Variants in BCAS3 observed in about 807,000 individuals in gnomAD.
The protein encoded by BCAS3 is BCAS4/BCAS3 fusion.
Under a neutral mutation model 116.1 loss-of-function variants are expected in BCAS3, and 53 were observed. The observed-to-expected ratio is 0.46, with a 90% CI of 0.37 to 0.57. BCAS3 has a LOEUF of 0.57. BCAS3 is among the 20% of genes least tolerant of loss of function. The probability of loss-of-function intolerance (pLI) is 0.00; values close to 1 mark genes in which losing one functional copy is unlikely to be tolerated. For synonymous variants in BCAS3, 391 were observed against 408.2 expected (o/e 0.96, Z 0.51); for missense variants, 917 against 1,165.4 (o/e 0.79, Z 3.10).
At chr17:60,854,204 C>T (rs2053450900) in intron 7 of BCAS3, among the ~76,000 whole-genome samples, 1 of 152,168 alleles carries the variant, frequency 6.6e-6, no homozygotes, top group Admixed American at 6.5e-5. Context: ...CAGCTTCATC[C>T]ATGTCCCCAC....
intron 8 of BCAS3, among the ~76,000 whole-genome samples, 196 bp downstream of exon 8, chr17:60,868,879 G>A (rs1249980591): frequency 6.6e-6 from 1 of 152,088 alleles, no homozygotes; most frequent in Non-Finnish European, 1.5e-5. Context: ...TGATCCATTA[G>A]GGAATTGTGA....
chr17:61,380,189 G>C lies in BCAS3; in HGVS notation c.2593+11695G>C, dbSNP rs1291229356. On this transcript the variant is annotated intron_variant, in intron 23 of 23. Coordinates refer to ENST00000407086, the MANE Select transcript of BCAS3 (RefSeq NM_017679.5). The surrounding 1 kb of genome is among the most constrained non-coding windows in gnomAD (Gnocchi z 4.2). Reference sequence around the variant, plus strand: ...GAAGCTGAGAGGAGGAAGAAAATCTGAGGGGTTACCCAGGATGCCGGCTTT... The same window carrying C: ...GAAGCTGAGAGGAGGAAGAAAATCTCAGGGGTTACCCAGGATGCCGGCTTT... 3.0e-6 allele frequency: 1 copy of C among 328,290 alleles called. No homozygotes were observed. The highest frequency in any genetic ancestry group is 5.7e-6 in the Non-Finnish European group (1 of 175,628). The allele number at this position is 328,290 out of a possible 1,614,324, so 20.3% of individuals were successfully genotyped here.
In BCAS3 at chr17:61,228,153, C is replaced by A. The variant is rs1377408439; in HGVS notation, c.2426-140174C>A. ...CTTCCTCAATTTTCAGCAAGTAGGA[C>A]TCCTTATTTGAAGGACAAGTACCTG... On this transcript the variant is annotated intron_variant, in intron 22 of 23. Coordinates refer to ENST00000407086, the MANE Select transcript of BCAS3 (RefSeq NM_017679.5). The surrounding 1 kb of genome is among the most constrained non-coding windows in gnomAD (Gnocchi z 5.0). Among the ~76,000 whole-genome samples the A allele has an allele frequency of 1.3e-5, 2 of 152,150 alleles. No homozygotes were observed. Among genetic ancestry groups the A allele is most frequent in the African/African-American group, 4.8e-5 (2 of 41,434 alleles).
At chr17:61,373,361 A>T (rs962494035) in intron 23 of BCAS3, among the ~76,000 whole-genome samples, 1 of 151,840 alleles carries the variant, frequency 6.6e-6, no homozygotes, top group Non-Finnish European at 1.5e-5. Flanking sequence ...AAGTGCTGGG[A>T]TTACAGGCAT....
At chr17:60,845,798 T>C (rs893293543) in intron 7 of BCAS3, among the ~76,000 whole-genome samples, 19 of 149,582 alleles carry the variant, frequency 1.3e-4, no homozygotes, top group Non-Finnish European at 1.9e-4. Context: ...TTTTTTTTTT[T>C]CTCTCTCTCT....
In BCAS3 at chr17:61,102,219, T is replaced by A. The variant is rs554978075; in HGVS notation, c.2425+17655T>A. On this transcript the variant is annotated intron_variant, in intron 22 of 23. Transcript: ENST00000407086. ...GATATAATTTTGAATTGTATGCATC[T>A]GTTTTCATGAAAGAAACCTATTTGG... 7.2e-5 allele frequency among the ~76,000 whole-genome samples: 11 copies of A among 152,300 alleles called. No homozygotes were observed. The East Asian group carries it at 2.1e-3, about 29-fold the overall frequency.
chr17:60,904,404 A>AAAACAAAC (rs202152626), intron 11 of BCAS3, among the ~76,000 whole-genome samples: 1 of 151,544 alleles, frequency 6.6e-6, no homozygotes, highest in Non-Finnish European at 1.5e-5. Flanking sequence ...ACTCTGTCTC[A>AAAACAAAC]AAACAAACAA....
intron 22 of BCAS3, chr17:61,135,859 A>T (rs983288095): frequency 6.6e-6 from 1 of 152,348 alleles, no homozygotes; most frequent in African/African-American, 2.4e-5. Flanking sequence ...CGGCCTAAAG[A>T]TACTTACTGT....
intron 22 of BCAS3, among the ~76,000 whole-genome samples, chr17:61,142,443 G>A (rs1027717469): frequency 3.9e-5 from 6 of 152,178 alleles, no homozygotes; most frequent in Admixed American, 6.5e-5. Context: ...GTACATGGAA[G>A]CCATCAGCCC....
At chr17:60,892,483 A>G (rs1356732733) in intron 10 of BCAS3, among the ~76,000 whole-genome samples, 1 of 151,612 alleles carries the variant, frequency 6.6e-6, no homozygotes, top group Non-Finnish European at 1.5e-5. Context: ...CTAATTTTGT[A>G]TTTTTAGTAG....
At position 61,368,544 on chromosome 17, in the gene BCAS3, G is replaced by C; in HGVS notation, c.2593+50G>C. The C allele has an allele frequency of 6.5e-7, 1 of 1,531,286 alleles. No homozygotes were observed. Among genetic ancestry groups the C allele is most frequent in the African/African-American group, 1.4e-5 (1 of 73,252 alleles). 94.9% of individuals were successfully genotyped at this position (1,531,286 alleles called of 1,614,324 possible). A position where few individuals can be genotyped will look rare whatever the true frequency, so the allele number is the denominator to read the frequency against. ...CCTGATTTGGTCAGGACCAGCACCT[G>C]TTGGTGCAGAGCTTCTCTGGAATCG... On this transcript the variant is annotated intron_variant, in intron 23 of 23. Transcript: ENST00000407086. This position sits in a 1 kb window ranked among gnomAD's most constrained non-coding sequence, Gnocchi z 6.0.
intron 5 of BCAS3, chr17:60,727,400 C>T: frequency 6.2e-7 from 1 of 1,606,780 alleles, no homozygotes; most frequent in South Asian, 1.1e-5. Context: ...GGAATCCTTG[C>T]TCTTATACTG....
At chr17:61,351,601 C>G (rs4968553) in intron 22 of BCAS3, among the ~76,000 whole-genome samples, 103,833 of 152,162 alleles carry the variant, frequency 0.68, 39,573 homozygotes, top group South Asian at 0.87. Context: ...AAGGTCACGT[C>G]GTTAGGACAT....
chr17:61,015,922 C>G, intron 16 of BCAS3, 21 bp downstream of exon 16: 1 of 1,602,010 alleles, frequency 6.2e-7, no homozygotes, highest in East Asian at 2.2e-5. Flanking sequence ...AGACTTGATG[C>G]TTTTTTAACA....
chr17:60,682,034 T>G (rs1331989349), intron 2 of BCAS3, among the ~76,000 whole-genome samples: 4 of 151,930 alleles, frequency 2.6e-5, no homozygotes, highest in Admixed American at 2.6e-4. Context: ...CCGGCCTAAT[T>G]TTTGTATTTT....
At chr17:61,280,222 C>G (rs898529632) in intron 22 of BCAS3, among the ~76,000 whole-genome samples, 1 of 152,204 alleles carries the variant, frequency 6.6e-6, no homozygotes, top group Admixed American at 6.5e-5. Flanking sequence ...TATCTCCTCA[C>G]TCATGGCTCA....
chr17:60,747,525 G>A (rs756680242), intron 6 of BCAS3, among the ~76,000 whole-genome samples: 1 of 152,082 alleles, frequency 6.6e-6, no homozygotes, highest in Non-Finnish European at 1.5e-5. Flanking sequence ...CTTTGATCTC[G>A]ATTTAGCCTC....
At chr17:60,801,735 C>A (rs1359669555) in intron 6 of BCAS3, among the ~76,000 whole-genome samples, 1 of 152,146 alleles carries the variant, frequency 6.6e-6, no homozygotes, top group Admixed American at 6.6e-5. Flanking sequence ...TGTCTTGAAA[C>A]AATGTACTCT....
Position 61,229,669 on chromosome 17 carries a change from C to T in BCAS3, c.2426-138658C>T, listed in dbSNP as rs1043968733. On this transcript the variant is annotated intron_variant, in intron 22 of 23. Transcript: ENST00000407086. This position sits in a 1 kb window ranked among gnomAD's most constrained non-coding sequence, Gnocchi z 4.4. ...TTTCCTTCCAGGCAGCCTCAGTCCA[C>T]GTTCATGAGCCACATTCTTGTGCTT... 8.5e-5 allele frequency among the ~76,000 whole-genome samples: 13 copies of T among 152,180 alleles called. No homozygotes were observed. The highest frequency in any genetic ancestry group is 3.8e-4 in the East Asian group (2 of 5,198).
Sources: gnomAD v4.1 joint callset for allele counts (sites outside exome capture counted in the v4.1 genomes callset) on GRCh38, gnomAD v4.1.1 for gene constraint, Gnocchi (gnomAD v3.1) non-coding constraint, MANE v1.5 for transcripts, NCBI Gene and HGNC (gene_info 2026-07-23, HGNC 2026-07-21) for gene names.